Variants in TOP6BL observed in about 807,000 individuals in gnomAD.
TOP6BL encodes the protein type 2 DNA topoisomerase 6 subunit B-like.
chr11:66,767,786 GT>G, the TOP6BL span, among the ~76,000 whole-genome samples: 1 of 152,034 alleles, frequency 6.6e-6, no homozygotes, highest in Non-Finnish European at 1.5e-5. Flanking sequence ...AGACTTTTTT[GT>G]TGTTCATTGT....
the TOP6BL span, chr11:66,839,060 T>C: frequency 8.8e-6 from 4 of 453,256 alleles, no homozygotes; most frequent in South Asian, 6.2e-5. Context: ...ATGTGTGTTA[T>C]GGGAAAGTGT....
the TOP6BL span, among the ~76,000 whole-genome samples, chr11:66,791,281 G>T: frequency 6.6e-6 from 1 of 152,182 alleles, no homozygotes; most frequent in African/African-American, 2.4e-5. Flanking sequence ...TATGCCCACA[G>T]CTAGTCTTAC....
the TOP6BL span, chr11:66,762,241 G>A: frequency 3.5e-6 from 2 of 569,852 alleles, no homozygotes; most frequent in Non-Finnish European, 6.4e-6. Context: ...AGGGGGCCCG[G>A]CCGCAGAACA....
the TOP6BL span, among the ~76,000 whole-genome samples, chr11:66,805,694 A>G: frequency 1.1e-4 from 17 of 152,210 alleles, no homozygotes; most frequent in South Asian, 3.5e-3. Context: ...GACTCAAGCG[A>G]TCCACCAGGC....
chr11:66,773,335 C>T, the TOP6BL span, among the ~76,000 whole-genome samples: 18 of 151,428 alleles, frequency 1.2e-4, no homozygotes, highest in Admixed American at 7.9e-4. Flanking sequence ...ATTATAGGCA[C>T]GTACCACTGC....
At chr11:66,822,654 A>G in the TOP6BL span, 6 of 1,549,194 alleles carry the variant, frequency 3.9e-6, no homozygotes, top group Non-Finnish European at 5.2e-6. Flanking sequence ...CTTCCGAAAG[A>G]TGTGTCTCCA....
the TOP6BL span, among the ~76,000 whole-genome samples, chr11:66,784,956 C>CTTTTT: frequency 4.2e-4 from 40 of 95,124 alleles, no homozygotes; most frequent in East Asian, 6.1e-4. Flanking sequence ...TCTAAGATTT[C>CTTTTT]TTTTTTTTTT....
chr11:66,793,569 C>G, the TOP6BL span, among the ~76,000 whole-genome samples: 1 of 151,124 alleles, frequency 6.6e-6, no homozygotes, highest in East Asian at 1.9e-4. Flanking sequence ...CTCAGCCTCC[C>G]GAGTAGCTGG....
chr11:66,842,791 AG>A, the TOP6BL span: 1 of 1,469,456 alleles, frequency 6.8e-7, no homozygotes, highest in South Asian at 1.3e-5. Context: ...CCCTTGGCCA[AG>A]GGTGCTCCTA....
the TOP6BL span, among the ~76,000 whole-genome samples, chr11:66,774,547 G>C: frequency 2.6e-5 from 4 of 151,974 alleles, no homozygotes; most frequent in African/African-American, 9.7e-5. Context: ...TCCGCCTCCT[G>C]GGTTCACGCC....
At chr11:66,823,689 G>A in the TOP6BL span, among the ~76,000 whole-genome samples, 2 of 151,940 alleles carry the variant, frequency 1.3e-5, no homozygotes, top group South Asian at 2.1e-4. Flanking sequence ...GCGTGGTGGT[G>A]CACGCCTGTA....
the TOP6BL span, among the ~76,000 whole-genome samples, chr11:66,773,132 C>T: frequency 3.3e-5 from 5 of 152,066 alleles, no homozygotes; most frequent in East Asian, 9.7e-4. Context: ...TATGGTGGGG[C>T]GATCTCAGCT....
the TOP6BL span, among the ~76,000 whole-genome samples, chr11:66,805,460 CT>C: frequency 1.3e-5 from 2 of 151,124 alleles, no homozygotes; most frequent in Admixed American, 1.3e-4. Context: ...GATGGAGGGG[CT>C]TTTTTGTTTT....
At chr11:66,793,246 T>C in the TOP6BL span, among the ~76,000 whole-genome samples, 2 of 148,908 alleles carry the variant, frequency 1.3e-5, no homozygotes, top group Non-Finnish European at 3.0e-5. Context: ...CCATCTGTAA[T>C]CGGCTAATTT....
At chr11:66,814,868 C>T in the TOP6BL span, among the ~76,000 whole-genome samples, 1 of 152,202 alleles carries the variant, frequency 6.6e-6, no homozygotes, top group Non-Finnish European at 1.5e-5. Context: ...TCTAACCACA[C>T]CAGCTTTGGG....
chr11:66,830,229 T>G, the TOP6BL span, among the ~76,000 whole-genome samples: 1 of 152,202 alleles, frequency 6.6e-6, no homozygotes, highest in South Asian at 2.1e-4. Flanking sequence ...ATAGAATTAT[T>G]ACAGCAAAAT....
chr11:66,767,253 T>C, the TOP6BL span, among the ~76,000 whole-genome samples: 1 of 152,208 alleles, frequency 6.6e-6, no homozygotes, highest in African/African-American at 2.4e-5. Flanking sequence ...CTGCATTGAA[T>C]ACTTATCTAC....
At chr11:66,769,076 C>T in the TOP6BL span, among the ~76,000 whole-genome samples, 2 of 152,156 alleles carry the variant, frequency 1.3e-5, no homozygotes, top group Non-Finnish European at 2.9e-5. Flanking sequence ...TTCATCTTCT[C>T]AGCTGGGAAC....
chr11:66,808,062 A>G, the TOP6BL span, among the ~76,000 whole-genome samples: 1 of 152,372 alleles, frequency 6.6e-6, no homozygotes, highest in Non-Finnish European at 1.5e-5. Context: ...TGTGCTCCCA[A>G]TTATTTAACA....
Sources: allele counts gnomAD v4.1 joint callset (sites outside exome capture counted in the v4.1 genomes callset), GRCh38; gene constraint gnomAD v4.1.1; transcripts MANE v1.5; gene names NCBI Gene and HGNC (gene_info 2026-07-23, HGNC 2026-07-21).